Variants in WWC2 observed in about 807,000 individuals in gnomAD.
WWC2 encodes the protein protein WWC2.
Under a neutral mutation model 138.5 loss-of-function variants are expected in WWC2, and 101 were observed. That is an observed-to-expected ratio of 0.73 (90% CI 0.62 to 0.86). The LOEUF is 0.86. Ranked by LOEUF, WWC2 falls within the 40% of genes least tolerant of loss-of-function variation. WWC2 has a pLI of 0.00. For synonymous variants in WWC2, 558 were observed against 538.4 expected, an observed-to-expected ratio of 1.04 and a Z score of -0.50; for missense variants, 1,420 against 1,419.4, an observed-to-expected ratio of 1.00 and a Z score of -0.01.
At chr4:183,100,948 T>C (rs978712817) in intron 1 of WWC2, among the ~76,000 whole-genome samples, 16 of 152,236 alleles carry the variant, frequency 1.1e-4, no homozygotes, top group African/African-American at 3.9e-4. Flanking sequence ...TCTCCAGACG[T>C]GCTAGTTGTT....
At chr4:183,193,241 T>A (rs1735040420) in intron 1 of WWC2, among the ~76,000 whole-genome samples, 1 of 152,238 alleles carries the variant, frequency 6.6e-6, no homozygotes, top group Admixed American at 6.5e-5. Flanking sequence ...AGGATTTTCA[T>A]GATACCAGTA....
At chr4:183,264,896 A>G in intron 11 of WWC2, 82 bp from the exon 12 acceptor site, 2 of 1,381,410 alleles carry the variant, frequency 1.4e-6, no homozygotes, top group African/African-American at 1.5e-5. Context: ...TGGATTGCTC[A>G]TGACCAAACT....
At chr4:183,303,429 A>C (rs982735335) in intron 21 of WWC2, among the ~76,000 whole-genome samples, 4 of 152,198 alleles carry the variant, frequency 2.6e-5, no homozygotes, top group Non-Finnish European at 5.9e-5. Context: ...GTTAATAACT[A>C]GGCAGCCTCT....
At chr4:183,150,583 T>C (rs1412418321) in intron 1 of WWC2, among the ~76,000 whole-genome samples, 4 of 152,168 alleles carry the variant, frequency 2.6e-5, no homozygotes, top group Admixed American at 6.5e-5. Flanking sequence ...CTGGGGTACA[T>C]GTGCACAACA....
intron 1 of WWC2, among the ~76,000 whole-genome samples, chr4:183,135,088 A>T (rs1432626728): frequency 6.6e-6 from 1 of 151,766 alleles, no homozygotes; most frequent in Non-Finnish European, 1.5e-5. Context: ...GTGCCACCAC[A>T]TTTTTTTGTA....
At chr4:183,262,169 T>TTTTG (rs551222694) in intron 11 of WWC2, among the ~76,000 whole-genome samples, 8 of 152,254 alleles carry the variant, frequency 5.3e-5, no homozygotes, top group Non-Finnish European at 7.3e-5. Flanking sequence ...AATATCATTT[T>TTTTG]TTTGTTTGTT....
rs562457799 is a variant in WWC2, at chr4:183,176,344, G to A, written c.132-17255G>A. On this transcript the variant is annotated intron_variant, in intron 1 of 22. Transcript: ENST00000403733. ...TCTTGGTTCTTGAAATTCCAGCCCC[G>A]GAGCTTAAAAAAATCTGTGATTCTT... Among the ~76,000 whole-genome samples, 76 of 152,104 alleles carry A rather than the reference G, an allele frequency of 5.0e-4. No homozygotes were observed. In the Middle Eastern group the frequency reaches 0.01, roughly 20 times the overall value.
At chr4:183,205,613 A>T (rs1735427065) in intron 2 of WWC2, among the ~76,000 whole-genome samples, 1 of 151,520 alleles carries the variant, frequency 6.6e-6, no homozygotes, top group African/African-American at 2.4e-5. Flanking sequence ...GGAGTTTTAT[A>T]TTTTTTTTCT....
chr4:183,286,691 T>C (rs1738265049), intron 20 of WWC2, among the ~76,000 whole-genome samples: 1 of 152,202 alleles, frequency 6.6e-6, no homozygotes, highest in Admixed American at 6.5e-5. Context: ...TTGTTTACTG[T>C]GATCATTTTG....
intron 21 of WWC2, among the ~76,000 whole-genome samples, chr4:183,303,020 C>T (rs1270798141): frequency 1.4e-5 from 2 of 145,586 alleles, no homozygotes; most frequent in Admixed American, 1.4e-4. Context: ...GAGATCGTGC[C>T]ACTGCACTCC....
intron 10 of WWC2, among the ~76,000 whole-genome samples, chr4:183,260,191 T>A (rs372961977): frequency 3.4e-4 from 52 of 152,318 alleles, no homozygotes; most frequent in South Asian, 8.3e-4. Context: ...GCTTTTTTTT[T>A]AATAAAAAAC....
intron 17 of WWC2, among the ~76,000 whole-genome samples, chr4:183,282,349 C>T (rs1580145119): frequency 6.6e-6 from 1 of 152,266 alleles, no homozygotes; most frequent in African/African-American, 2.4e-5. Context: ...ATTAATTTTA[C>T]AATAAATGAA....
intron 21 of WWC2, among the ~76,000 whole-genome samples, chr4:183,294,307 A>G (rs948286104): frequency 4.6e-5 from 7 of 152,200 alleles, no homozygotes; most frequent in Middle Eastern, 3.2e-3. Flanking sequence ...ATACTGATGC[A>G]GTTAATGAAA....
At chr4:183,123,332 T>C (rs950327578) in intron 1 of WWC2, among the ~76,000 whole-genome samples, 1 of 152,092 alleles carries the variant, frequency 6.6e-6, no homozygotes, top group Admixed American at 6.6e-5. Context: ...TAAATGAACT[T>C]GAATCTTCCT....
intron 1 of WWC2, among the ~76,000 whole-genome samples, chr4:183,136,923 A>T (rs140523902): frequency 2.4e-4 from 37 of 152,150 alleles, no homozygotes; most frequent in Non-Finnish European, 5.0e-4. Flanking sequence ...GGTGGTGCCT[A>T]TTCCTCCTAG....
intron 1 of WWC2, among the ~76,000 whole-genome samples, chr4:183,180,671 A>G (rs530273228): frequency 6.6e-6 from 1 of 152,300 alleles, no homozygotes; most frequent in African/African-American, 2.4e-5. Context: ...TTCTTAATGC[A>G]TGCTATATAA....
At chr4:183,284,920 TTATC>T (rs1738196344) in intron 19 of WWC2, among the ~76,000 whole-genome samples, 1 of 152,208 alleles carries the variant, frequency 6.6e-6, no homozygotes, top group Non-Finnish European at 1.5e-5. Flanking sequence ...TATTTCTGAT[TTATC>T]TAGTAAGATA....
chr4:183,297,620 G>A (rs1738679835), intron 21 of WWC2, among the ~76,000 whole-genome samples: 1 of 152,058 alleles, frequency 6.6e-6, no homozygotes, highest in Non-Finnish European at 1.5e-5. Context: ...GTGTTGGCCA[G>A]GCTGGTCTTG....
intron 1 of WWC2, among the ~76,000 whole-genome samples, chr4:183,138,198 C>T (rs574595295): frequency 6.6e-6 from 1 of 152,114 alleles, no homozygotes; most frequent in Non-Finnish European, 1.5e-5. Context: ...TCACCCTCCC[C>T]CTATAACCTT....
Sources: gnomAD v4.1 joint callset for allele counts (sites outside exome capture counted in the v4.1 genomes callset) on GRCh38, gnomAD v4.1.1 for gene constraint, MANE v1.5 for transcripts, NCBI Gene and HGNC (gene_info 2026-07-23, HGNC 2026-07-21) for gene names.